Variants in RSPRY1 observed in about 807,000 individuals in gnomAD.
RSPRY1 encodes ring finger and SPRY domain containing 1, also known as RING finger and SPRY domain-containing protein 1.
In RSPRY1, 23 loss-of-function variants were observed where a neutral mutation model predicts 73.1. That is an observed-to-expected ratio of 0.31 (90% CI 0.23 to 0.45). The LOEUF is 0.45. Ranked by LOEUF, RSPRY1 falls within the 20% of genes least tolerant of loss-of-function variation. The pLI, the probability that RSPRY1 is intolerant of heterozygous loss-of-function variation, is 1.00. For missense variants in RSPRY1, 448 were observed against 698.7 expected, an observed-to-expected ratio of 0.64 and a Z score of 4.05; for synonymous variants, 226 against 251.4, an observed-to-expected ratio of 0.90 and a Z score of 0.95.
intron 1 of RSPRY1, among the ~76,000 whole-genome samples, chr16:57,203,314 CAAAT>C (rs1466420129): frequency 6.6e-5 from 10 of 152,056 alleles, no homozygotes; most frequent in Non-Finnish European, 1.2e-4. Flanking sequence ...AATAAATAAA[CAAAT>C]AAAATAATGG....
At chr16:57,222,936 A>G (rs1048319470) in intron 10 of RSPRY1, among the ~76,000 whole-genome samples, 2 of 152,190 alleles carry the variant, frequency 1.3e-5, no homozygotes, top group African/African-American at 4.8e-5. Context: ...CGATGAAATT[A>G]TAACTTTTGC....
chr16:57,195,864 T>G (rs770481963), intron 1 of RSPRY1, among the ~76,000 whole-genome samples: 28 of 151,284 alleles, frequency 1.9e-4, no homozygotes, highest in Admixed American at 1.2e-3. Flanking sequence ...TTACTAAAAA[T>G]ACAAAAAATT....
intron 7 of RSPRY1, 53 bp downstream of exon 7, chr16:57,216,226 T>G: frequency 1.5e-6 from 2 of 1,371,530 alleles, no homozygotes; most frequent in South Asian, 2.4e-5. Flanking sequence ...TTGTTAAAAA[T>G]TTTATTTTTC....
At chr16:57,206,975 C>G (rs181475851) in intron 2 of RSPRY1, among the ~76,000 whole-genome samples, 49 of 152,312 alleles carry the variant, frequency 3.2e-4, no homozygotes, top group African/African-American at 1.1e-3. Flanking sequence ...CTGCTTCTGA[C>G]TATTACAGAG....
chr16:57,206,820 C>G (rs1175758531), intron 2 of RSPRY1, among the ~76,000 whole-genome samples: 2 of 152,210 alleles, frequency 1.3e-5, no homozygotes, highest in Admixed American at 6.5e-5. Flanking sequence ...GAGCTTCAGC[C>G]TCCTTAAGTG....
intron 1 of RSPRY1, among the ~76,000 whole-genome samples, chr16:57,198,603 C>G (rs1007919161): frequency 1.3e-5 from 2 of 152,100 alleles, no homozygotes; most frequent in Admixed American, 6.5e-5. Context: ...CTCCCCTATT[C>G]TTTTTGCTTT....
intron 4 of RSPRY1, among the ~76,000 whole-genome samples, chr16:57,210,005 C>G: frequency 6.6e-6 from 1 of 151,364 alleles, no homozygotes; most frequent in East Asian, 2.0e-4. Flanking sequence ...TATTTAATTG[C>G]TTTTTTTTCT....
At chr16:57,213,828 C>A in intron 5 of RSPRY1, 60 bp from the exon 6 acceptor site, 1 of 1,180,508 alleles carries the variant, frequency 8.5e-7, no homozygotes, top group Non-Finnish European at 1.3e-6. Flanking sequence ...TTGATTGTTA[C>A]CAGTGATTTA....
chr16:57,198,509 T>C (rs1000628241), intron 1 of RSPRY1, among the ~76,000 whole-genome samples: 3 of 152,230 alleles, frequency 2.0e-5, no homozygotes, highest in African/African-American at 7.2e-5. Flanking sequence ...TTAACTTCTT[T>C]CCTCACAGGC....
At chr16:57,189,593 CT>C (rs544146883) in intron 1 of RSPRY1, among the ~76,000 whole-genome samples, 71 of 124,044 alleles carry the variant, frequency 5.7e-4, no homozygotes, top group Non-Finnish European at 7.9e-4. Context: ...CTTTTCTTTT[CT>C]TTTTTTTTTT....
chr16:57,217,104 C>A, intron 8 of RSPRY1, 69 bp downstream of exon 8: 1 of 1,564,598 alleles, frequency 6.4e-7, no homozygotes, highest in Admixed American at 1.7e-5. Flanking sequence ...CATAGGCTCA[C>A]TGGTCTTCCT....
At chr16:57,188,332 G>C (rs1375202703) in intron 1 of RSPRY1, among the ~76,000 whole-genome samples, 1 of 149,882 alleles carries the variant, frequency 6.7e-6, no homozygotes, top group Non-Finnish European at 1.5e-5. Flanking sequence ...CCAAATATCG[G>C]GCAATCATTT....
chr16:57,223,272 GTC>G (rs2075067845), intron 10 of RSPRY1, among the ~76,000 whole-genome samples: 1 of 152,150 alleles, frequency 6.6e-6, no homozygotes, highest in African/African-American at 2.4e-5. Context: ...AAGATTCTAA[GTC>G]TCTGCATAGT....
chr16:57,231,132 A>G, intron 12 of RSPRY1, 35 bp from the exon 13 acceptor site: 1 of 1,580,740 alleles, frequency 6.3e-7, no homozygotes, highest in South Asian at 1.1e-5. Flanking sequence ...GATTTTTATT[A>G]ATTCTATTGG....
At chr16:57,214,019 C>T in intron 6 of RSPRY1, 73 bp downstream of exon 6, 1 of 1,036,738 alleles carries the variant, frequency 9.6e-7, no homozygotes, top group African/African-American at 1.6e-5. Flanking sequence ...TGCATTTTCT[C>T]AAATTGCTGG....
At chr16:57,193,283 C>A (rs2074382275) in intron 1 of RSPRY1, among the ~76,000 whole-genome samples, 1 of 152,166 alleles carries the variant, frequency 6.6e-6, no homozygotes, top group South Asian at 2.1e-4. Context: ...TCACAATCTA[C>A]CCCCTTCTTA....
At chr16:57,201,047 C>T (rs967672368) in intron 1 of RSPRY1, among the ~76,000 whole-genome samples, 8 of 80,068 alleles carry the variant, frequency 1.0e-4, no homozygotes, top group South Asian at 7.8e-4. Flanking sequence ...GGCGGCTGGC[C>T]GGGCGGGGGG....
At chr16:57,200,658 G>T (rs1159386523) in intron 1 of RSPRY1, among the ~76,000 whole-genome samples, 2 of 134,430 alleles carry the variant, frequency 1.5e-5, no homozygotes, top group Non-Finnish European at 1.6e-5. Flanking sequence ...GGCCGGGCGG[G>T]GGGCTGACCC....
At chr16:57,187,770 G>A (rs1220834243) in intron 1 of RSPRY1, among the ~76,000 whole-genome samples, 1 of 152,060 alleles carries the variant, frequency 6.6e-6, no homozygotes, top group East Asian at 1.9e-4. Flanking sequence ...CAGCTTCTTA[G>A]GTCATATTAA....
Sources: gnomAD v4.1 joint callset for allele counts (sites outside exome capture counted in the v4.1 genomes callset) on GRCh38, gnomAD v4.1.1 for gene constraint, MANE v1.5 for transcripts, NCBI Gene and HGNC (gene_info 2026-07-23, HGNC 2026-07-21) for gene names.